The following CHFR variants were observed in gnomAD, a reference collection of about 807,000 sequenced individuals.
CHFR encodes the protein checkpoint with forkhead and ring finger domains, also known as E3 ubiquitin-protein ligase CHFR.
A neutral mutation model predicts 87.6 loss-of-function variants in CHFR; 57 were observed. That is an observed-to-expected ratio of 0.65 (90% CI 0.53 to 0.81). The LOEUF is 0.81. Among genes scored for constraint, CHFR ranks in the 30% least tolerant of loss-of-function variants. The probability of loss-of-function intolerance (pLI) is 0.00; values close to 1 mark genes in which losing one functional copy is unlikely to be tolerated. For synonymous variants in CHFR, 381 were observed against 359.2 expected (o/e 1.06, Z -0.69); for missense variants, 797 against 865.8 (o/e 0.92, Z 1.00).
chr12:132,848,155 T>C lies in CHFR; in HGVS notation c.1577A>G (p.Glu526Gly). 1 of 1,614,172 alleles carries C rather than the reference T, an allele frequency of 6.2e-7. No individual in the cohort carries two copies. Residue 526 changes from glutamate to glycine, a missense_variant and splice_region_variant, in exon 14 of 18, where the codon GAG becomes GGG. Coordinates refer to ENST00000450056, the MANE Select transcript of CHFR (RefSeq NM_001161346.2). ...GCYGCLAPFC[E>G]LNLGDKCLDG... ...CAGACACTTGTCACCCAGGTTGAGC[T>C]CTGCCGAGATGAAGGGGCAATGTTA...
At chr12:132,853,296 A>C in intron 11 of CHFR, 135 bp downstream of exon 11, 1 of 936,408 alleles carries the variant, frequency 1.1e-6, no homozygotes, top group South Asian at 2.2e-5. Flanking sequence ...CAGGGAGACC[A>C]ATGAGGCCAG....
chr12:132,881,290 A>C (rs1476070693), intron 2 of CHFR, among the ~76,000 whole-genome samples: 1 of 152,204 alleles, frequency 6.6e-6, no homozygotes, highest in African/African-American at 2.4e-5. Context: ...CTGTTCTTCA[A>C]AGATATTGTT....
Position 132,838,869 on chromosome 12 carries a change from G to C in CHFR, c.*2685C>G, listed in dbSNP as rs917044204. 1 of 152,450 alleles carries C rather than the reference G, an allele frequency of 6.6e-6. No individual in the cohort carries two copies. The highest frequency in any genetic ancestry group is 2.4e-5 in the African/African-American group (1 of 41,422). 9.4% of individuals were successfully genotyped at this position (152,450 alleles called of 1,614,324 possible). ...ACCACACCCGAGGAGTAACTGCCCT[G>C]ATCTCCCTGCCTCCATAAAACACGG... On this transcript the variant is annotated 3_prime_UTR_variant, in exon 18 of 18. Transcript: ENST00000450056.
chr12:132,868,988 G>A lies in CHFR; in HGVS notation c.583+631C>T, dbSNP rs141315477. ...TGGGGCCGAGGGGAAGGGGACATGC[G>A]GAGTGACTGCTGCTGGGGCTGAGGG... On this transcript the variant is annotated intron_variant, in intron 6 of 17. Coordinates refer to ENST00000450056, the MANE Select transcript of CHFR (RefSeq NM_001161346.2). Among the ~76,000 whole-genome samples the A allele has an allele frequency of 3.3e-3, 288 of 87,854 alleles. 9 individuals carry two copies. The highest frequency in any genetic ancestry group is 5.4e-3 in the Middle Eastern group (1 of 186). 57.6% of individuals were successfully genotyped at this position (87,854 alleles called of 152,430 possible).
intron 9 of CHFR, among the ~76,000 whole-genome samples, 195 bp downstream of exon 9, chr12:132,857,210 G>A (rs1240785575): frequency 7.4e-5 from 10 of 135,468 alleles, no homozygotes; most frequent in Admixed American, 6.8e-4. Context: ...CCGCCCTCAC[G>A]TGCCTGGGTG....
intron 12 of CHFR, 76 bp from the exon 13 acceptor site, chr12:132,848,800 C>A (rs1299198000): frequency 2.7e-6 from 3 of 1,102,230 alleles, no homozygotes; most frequent in South Asian, 2.8e-5. Flanking sequence ...GCACCAGGCT[C>A]AGGAGCTCAA....
chr12:132,873,774 G>A (rs749668647), intron 3 of CHFR, among the ~76,000 whole-genome samples: 1 of 152,200 alleles, frequency 6.6e-6, no homozygotes, highest in East Asian at 1.9e-4. Flanking sequence ...CAGGGGGCTG[G>A]AGCCAATCCC....
At chr12:132,849,917 T>C (rs1281915568) in intron 12 of CHFR, 1 of 152,176 alleles carries the variant, frequency 6.6e-6, no homozygotes, top group East Asian at 1.9e-4. Flanking sequence ...TAGGTATTTT[T>C]CCATGTTGTC....
chr12:132,875,555 G>A (rs867090233), intron 3 of CHFR, among the ~76,000 whole-genome samples: 1 of 152,036 alleles, frequency 6.6e-6, no homozygotes, highest in Non-Finnish European at 1.5e-5. Context: ...CCCGGGTGGC[G>A]GAGGTTGCAG....
intron 16 of CHFR, among the ~76,000 whole-genome samples, chr12:132,843,673 GAA>G (rs1950748393): frequency 6.6e-6 from 1 of 152,026 alleles, no homozygotes; most frequent in Non-Finnish European, 1.5e-5. Context: ...TGTCTGTAAA[GAA>G]AAGAGTGCTG....
At chr12:132,847,158 G>A in intron 14 of CHFR, 28 bp from the exon 15 acceptor site, 1 of 1,611,962 alleles carries the variant, frequency 6.2e-7, no homozygotes. Flanking sequence ...AGAGGAATAA[G>A]AAATACTCGT....
At chr12:132,851,577 C>G (rs751995061) in intron 12 of CHFR, 41 bp downstream of exon 12, 2 of 1,565,610 alleles carry the variant, frequency 1.3e-6, no homozygotes, top group African/African-American at 1.4e-5. Flanking sequence ...CCCTGAAGGA[C>G]AGATAGGAAC....
At chr12:132,882,071 T>C (rs567899386) in intron 2 of CHFR, among the ~76,000 whole-genome samples, 1 of 152,272 alleles carries the variant, frequency 6.6e-6, no homozygotes, top group East Asian at 1.9e-4. Context: ...GAGAAAAATG[T>C]ATGTCCCTAC....
intron 3 of CHFR, among the ~76,000 whole-genome samples, chr12:132,876,657 A>G (rs1951637355): frequency 6.6e-6 from 1 of 152,204 alleles, no homozygotes; most frequent in African/African-American, 2.4e-5. Context: ...TATTTCTGAG[A>G]CATACTTAAT....
chr12:132,851,392 G>A (rs1021262810), intron 12 of CHFR, among the ~76,000 whole-genome samples: 1 of 152,148 alleles, frequency 6.6e-6, no homozygotes, highest in African/African-American at 2.4e-5. Flanking sequence ...GATCCAAGCC[G>A]AGCCCCCGGT....
At chr12:132,851,425 G>A (rs1333730894) in intron 12 of CHFR, among the ~76,000 whole-genome samples, 193 bp downstream of exon 12, 1 of 152,202 alleles carries the variant, frequency 6.6e-6, no homozygotes, top group East Asian at 1.9e-4. Context: ...AGCCTGTGAA[G>A]GGGCAATGTT....
intron 9 of CHFR, 102 bp from the exon 10 acceptor site, chr12:132,856,732 G>A: frequency 7.4e-7 from 1 of 1,351,910 alleles, no homozygotes; most frequent in Non-Finnish European, 1.1e-6. Flanking sequence ...TGCGGAAGGA[G>A]GGGTCTGGGC....
At chr12:132,844,725 C>T (rs1481134139) in intron 15 of CHFR, among the ~76,000 whole-genome samples, 5 of 148,698 alleles carry the variant, frequency 3.4e-5, no homozygotes, top group South Asian at 2.1e-4. Flanking sequence ...CCACCTCCTG[C>T]GTTCAACTGA....
intron 2 of CHFR, among the ~76,000 whole-genome samples, chr12:132,880,994 C>T (rs1951755359): frequency 6.8e-6 from 1 of 146,632 alleles, no homozygotes; most frequent in Admixed American, 6.8e-5. Context: ...AGGCTGGGGG[C>T]GGTGGTTCAC....
Sources: allele counts gnomAD v4.1 joint callset (sites outside exome capture counted in the v4.1 genomes callset), GRCh38; gene constraint gnomAD v4.1.1; transcripts MANE v1.5; gene names NCBI Gene and HGNC (gene_info 2026-07-23, HGNC 2026-07-21).